ARK2N: variants seen among roughly 807,000 people sequenced by gnomAD.
ARK2N encodes arkadia (RNF111) N-terminal like PKA signaling regulator 2N.
chr18:46,209,796 A>G, the ARK2N span, among the ~76,000 whole-genome samples: 267 of 152,142 alleles, frequency 1.8e-3, no homozygotes, highest in African/African-American at 6.2e-3. Context: ...GGGTTTCACT[A>G]TGTTGGCCAG....
the ARK2N span, chr18:46,263,130 T>C: frequency 6.3e-7 from 1 of 1,589,954 alleles, no homozygotes; most frequent in African/African-American, 1.3e-5. Flanking sequence ...ACAATGTCAC[T>C]GTGTTTCCTC....
chr18:46,256,273 C>T, the ARK2N span, among the ~76,000 whole-genome samples: 1 of 152,202 alleles, frequency 6.6e-6, no homozygotes, highest in African/African-American at 2.4e-5. Context: ...TAAGACATAT[C>T]ACTTGGTCAA....
At chr18:46,204,617 C>T in the ARK2N span, among the ~76,000 whole-genome samples, 8 of 152,292 alleles carry the variant, frequency 5.3e-5, no homozygotes, top group South Asian at 1.7e-3. Context: ...GTATTTGAGG[C>T]ATTAGCTGCT....
At chr18:46,242,070 A>G in the ARK2N span, among the ~76,000 whole-genome samples, 2 of 152,130 alleles carry the variant, frequency 1.3e-5, no homozygotes, top group Non-Finnish European at 2.9e-5. Context: ...TGGCCTCCCA[A>G]AGTGCTGGGA....
the ARK2N span, among the ~76,000 whole-genome samples, chr18:46,227,074 G>C: frequency 3.3e-5 from 5 of 152,114 alleles, no homozygotes; most frequent in Non-Finnish European, 5.9e-5. Context: ...CTCCCAAAGT[G>C]TTGGGATTAC....
chr18:46,259,649 A>C, the ARK2N span, among the ~76,000 whole-genome samples: 1 of 152,038 alleles, frequency 6.6e-6, no homozygotes, highest in African/African-American at 2.4e-5. Flanking sequence ...TCAGCCACCC[A>C]GGCTGGAGTG....
the ARK2N span, among the ~76,000 whole-genome samples, chr18:46,233,516 C>CT: frequency 1.3e-5 from 2 of 152,284 alleles, no homozygotes; most frequent in South Asian, 4.1e-4. Flanking sequence ...CCTGAGTTAT[C>CT]TTCCAAATAA....
the ARK2N span, chr18:46,218,073 C>T: frequency 1.3e-5 from 2 of 152,154 alleles, no homozygotes; most frequent in African/African-American, 2.4e-5. Context: ...TTTTATGTAA[C>T]TACCCCAATA....
the ARK2N span, among the ~76,000 whole-genome samples, chr18:46,252,301 A>C: frequency 1.3e-5 from 2 of 151,650 alleles, no homozygotes; most frequent in African/African-American, 2.4e-5. Context: ...TTGAGACAGA[A>C]TCTCCCTCTG....
chr18:46,253,281 C>T, the ARK2N span, among the ~76,000 whole-genome samples: 1 of 152,004 alleles, frequency 6.6e-6, no homozygotes, highest in African/African-American at 2.4e-5. Context: ...CAGTAGAGAG[C>T]CCCACTGCCT....
At chr18:46,194,185 T>TTGAGTC in the ARK2N span, among the ~76,000 whole-genome samples, 1 of 151,994 alleles carries the variant, frequency 6.6e-6, no homozygotes, top group African/African-American at 2.4e-5. Context: ...CTCCTTGACT[T>TTGAGTC]AAGCAGTTCT....
chr18:46,206,247 G>A, the ARK2N span, among the ~76,000 whole-genome samples: 189 of 151,424 alleles, frequency 1.2e-3, 1 homozygote, highest in East Asian at 1.6e-3. Context: ...CATTACACAC[G>A]GCTAGTTTTT....
At chr18:46,250,449 C>A in the ARK2N span, among the ~76,000 whole-genome samples, 1 of 144,882 alleles carries the variant, frequency 6.9e-6, no homozygotes, top group Non-Finnish European at 1.5e-5. Flanking sequence ...TTTCTATGTT[C>A]TTTCATTTGC....
chr18:46,209,341 G>A, the ARK2N span, among the ~76,000 whole-genome samples: 1 of 95,110 alleles, frequency 1.1e-5, no homozygotes, highest in Non-Finnish European at 2.2e-5. Flanking sequence ...TTTCCACTTT[G>A]TATTAAGCTT....
the ARK2N span, among the ~76,000 whole-genome samples, chr18:46,212,990 A>AT: frequency 0.099 from 8,014 of 80,580 alleles, 1,874 homozygotes; most frequent in East Asian, 0.41. Flanking sequence ...TTTAAGAAGA[A>AT]TTTTTTTTTT....
chr18:46,249,317 C>T, the ARK2N span, among the ~76,000 whole-genome samples: 1 of 152,210 alleles, frequency 6.6e-6, no homozygotes, highest in Non-Finnish European at 1.5e-5. Flanking sequence ...GCAAGCTCTG[C>T]CTCCCAGGTT....
the ARK2N span, among the ~76,000 whole-genome samples, chr18:46,212,660 G>A: frequency 5.3e-5 from 8 of 151,866 alleles, no homozygotes; most frequent in African/African-American, 1.9e-4. Flanking sequence ...ACTAATTTAG[G>A]TAGTATAAAT....
At chr18:46,259,646 C>T in the ARK2N span, among the ~76,000 whole-genome samples, 1 of 152,226 alleles carries the variant, frequency 6.6e-6, no homozygotes, top group Admixed American at 6.5e-5. Context: ...GGCTCAGCCA[C>T]CCAGGCTGGA....
the ARK2N span, among the ~76,000 whole-genome samples, chr18:46,242,000 G>T: frequency 6.6e-6 from 1 of 151,904 alleles, no homozygotes; most frequent in African/African-American, 2.4e-5. Context: ...GTAGAAATGG[G>T]GTTTTACCAT....
Sources: gnomAD v4.1 joint callset for allele counts (sites outside exome capture counted in the v4.1 genomes callset) on GRCh38, gnomAD v4.1.1 for gene constraint, MANE v1.5 for transcripts, NCBI Gene and HGNC (gene_info 2026-07-23, HGNC 2026-07-21) for gene names.